The following R3HDM2 variants were observed in gnomAD, a reference collection of about 807,000 sequenced individuals.
The protein encoded by R3HDM2 is R3H domain-containing protein 2.
In R3HDM2, 38 loss-of-function variants were observed where a neutral mutation model predicts 124.5. That is an observed-to-expected ratio of 0.31 (90% CI 0.24 to 0.40). The LOEUF is 0.40. R3HDM2 is among the 10% of genes least tolerant of loss of function. The pLI is 1.00. For synonymous variants in R3HDM2, 391 were observed against 448.0 expected, an observed-to-expected ratio of 0.87 and a Z score of 1.61; for missense variants, 869 against 1,236.9, an observed-to-expected ratio of 0.70 and a Z score of 4.46.
chr12:57,407,254 GA>G (rs141913606), intron 1 of R3HDM2, among the ~76,000 whole-genome samples: 28,253 of 124,950 alleles, frequency 0.23, 2,998 homozygotes, highest in Admixed American at 0.31. Flanking sequence ...CTTCTCAAGA[GA>G]AAAAAAAAAA....
At chr12:57,358,961 A>C (rs2061591700) in intron 2 of R3HDM2, among the ~76,000 whole-genome samples, 1 of 149,730 alleles carries the variant, frequency 6.7e-6, no homozygotes, top group East Asian at 2.0e-4. Context: ...TCTGTCACCC[A>C]GACTGGAATG....
rs1565870403 is a variant in R3HDM2, at chr12:57,266,802, C to A, written c.2060G>T (p.Gly687Val). ...CTGAGGCATCTGGTACTGCTCAGAGCCAGGGGGTTGCAGAAACCCTACAGA... is the reference window on the plus strand; with the variant it reads ...CTGAGGCATCTGGTACTGCTCAGAGACAGGGGGTTGCAGAAACCCTACAGA... The part of the protein sequence containing the change: ...SPSVGFLQPP[G>V]SEQYQMPQSP... The change falls in exon 19 of 24, where the codon GGC (glycine) becomes GTC (valine). Residue 687 changes from glycine (G) to valine (V), a missense_variant. Gly to Val is a moderately radical substitution (Grantham distance 109). This residue lies in a region of R3HDM2 where 602 missense variants were observed against 789.2 expected (regional missense o/e 0.76). Transcript: ENST00000402412. The A allele has an allele frequency of 2.5e-6, 4 of 1,609,548 alleles. No homozygotes were observed. Among genetic ancestry groups the A allele is most frequent in the Non-Finnish European group, 3.4e-6 (4 of 1,176,430 alleles).
chr12:57,345,630 C>A (rs746482644), intron 2 of R3HDM2, among the ~76,000 whole-genome samples: 7 of 152,072 alleles, frequency 4.6e-5, no homozygotes, highest in Non-Finnish European at 1.0e-4. Flanking sequence ...AACTTCTGGG[C>A]TCAAGCAATC....
rs1329596517 is a variant in R3HDM2, at chr12:57,413,889, T to C, written c.-106+16831A>G. ...TGAGATGGAGTCTCACGCTGTCACC[T>C]AGGCTGGAGTACGTGGCACGGTCTC... On this transcript the variant is annotated intron_variant, in intron 1 of 23. Coordinates refer to ENST00000402412, the MANE Select transcript of R3HDM2 (RefSeq NM_001394031.1). Among the ~76,000 whole-genome samples the C allele has an allele frequency of 9.7e-5, 13 of 133,528 alleles. No homozygotes were observed. In the South Asian group the frequency reaches 3.7e-3, roughly 38 times the overall value. The allele number at this position is 133,528 out of a possible 152,430, so 87.6% of individuals were successfully genotyped here.
chr12:57,268,021 T>C (rs1323373303), intron 18 of R3HDM2, among the ~76,000 whole-genome samples: 1 of 152,240 alleles, frequency 6.6e-6, no homozygotes, highest in East Asian at 1.9e-4. Context: ...GAGCAGTCTC[T>C]ATCCTCTAGT....
In R3HDM2 at chr12:57,260,263, CAAAAAAA is replaced by C. The variant is rs566868060; in HGVS notation, c.2132-1211_2132-1205del. ...TGGGTGACAGAATGAGACCCTGCCT[CAAAAAAA>C]AAAAAAAAAAAAAAAGCCTGCTGAA... On this transcript the variant is annotated intron_variant, in intron 19 of 23. Transcript: ENST00000402412. 3.2e-4 allele frequency among the ~76,000 whole-genome samples: 10 copies of C among 31,562 alleles called. 1 individual carries two copies. The highest frequency in any genetic ancestry group is 3.8e-3 in the South Asian group (2 of 522). 20.7% of individuals were successfully genotyped at this position (31,562 alleles called of 152,430 possible).
chr12:57,269,123 T>G, intron 16 of R3HDM2, 41 bp from the exon 17 acceptor site: 2 of 1,606,530 alleles, frequency 1.2e-6, no homozygotes, highest in Non-Finnish European at 1.7e-6. Context: ...GTATGAATGT[T>G]TAGGAGGTCA....
intron 2 of R3HDM2, among the ~76,000 whole-genome samples, chr12:57,385,108 C>T (rs529883532): frequency 2.0e-5 from 3 of 151,866 alleles, no homozygotes; most frequent in South Asian, 2.1e-4. Flanking sequence ...ATCACAAGAT[C>T]GAGCCACTGC....
chr12:57,256,970 C>T (rs1052975895), intron 21 of R3HDM2, among the ~76,000 whole-genome samples: 2 of 152,098 alleles, frequency 1.3e-5, no homozygotes, highest in African/African-American at 4.8e-5. Flanking sequence ...CATGTGCCAC[C>T]ACGCCTGGCT....
In R3HDM2 at chr12:57,338,832, A is replaced by T. The variant is rs543924899; in HGVS notation, c.-35-28369T>A. 4.6e-5 allele frequency among the ~76,000 whole-genome samples: 7 copies of T among 151,912 alleles called. No individual in the cohort carries two copies. In the South Asian group the frequency reaches 1.5e-3, roughly 32 times the overall value. On this transcript the variant is annotated intron_variant, in intron 2 of 23. Transcript: ENST00000402412. ...TTTTTTTTTTCAAAGGGAGAGAGAG[A>T]GAGAGAGATAGGGTCTCATTCTGCC...
At chr12:57,270,091 C>T in intron 14 of R3HDM2, 97 bp from the exon 15 acceptor site, 1 of 1,450,682 alleles carries the variant, frequency 6.9e-7, no homozygotes, top group Non-Finnish European at 9.5e-7. Flanking sequence ...CTTTTTACAA[C>T]CTTCTTTAAA....
intron 1 of R3HDM2, among the ~76,000 whole-genome samples, chr12:57,413,060 G>C (rs868237180): frequency 3.9e-5 from 6 of 152,030 alleles, no homozygotes; most frequent in Non-Finnish European, 7.4e-5. Context: ...GGCTGAGGCA[G>C]GAGAATTGCC....
intron 2 of R3HDM2, among the ~76,000 whole-genome samples, chr12:57,376,077 G>T (rs893997193): frequency 1.3e-5 from 2 of 152,128 alleles, no homozygotes; most frequent in Non-Finnish European, 2.9e-5. Flanking sequence ...TGGTCAAAGG[G>T]GCCCAGTTTT....
At chr12:57,331,824 G>A (rs1011094792) in intron 2 of R3HDM2, among the ~76,000 whole-genome samples, 1 of 151,692 alleles carries the variant, frequency 6.6e-6, no homozygotes, top group Non-Finnish European at 1.5e-5. Context: ...TGAGGCAGGA[G>A]AATGACATGA....
At chr12:57,359,544 G>A (rs1023190962) in intron 2 of R3HDM2, among the ~76,000 whole-genome samples, 4 of 151,998 alleles carry the variant, frequency 2.6e-5, no homozygotes, top group African/African-American at 4.8e-5. Flanking sequence ...ATGGTATATC[G>A]TCTTTCATCC....
In R3HDM2 at chr12:57,304,748, T is replaced by A. The variant is rs777161637; in HGVS notation, c.166-1531A>T. ...CATAATGGGGATATATATAGAACAG[T>A]AAGTCTCCTTTCATAATTGTCCCCC... is the stretch of plus-strand genomic sequence containing the variant. On this transcript the variant is annotated intron_variant, in intron 3 of 23. Coordinates refer to ENST00000402412, the MANE Select transcript of R3HDM2 (RefSeq NM_001394031.1). Among the ~76,000 whole-genome samples, 3 of 152,212 alleles carry A rather than the reference T, an allele frequency of 2.0e-5. No individual in the cohort carries two copies. The East Asian group carries it at 5.8e-4, about 29-fold the overall frequency.
chr12:57,393,018 A>G (rs2138736774), intron 2 of R3HDM2, among the ~76,000 whole-genome samples: 1 of 151,640 alleles, frequency 6.6e-6, no homozygotes, highest in East Asian at 1.9e-4. Flanking sequence ...GTTAGCCAGT[A>G]TGGTCTCAAT....
chr12:57,282,624 C>A (rs554371769), intron 13 of R3HDM2, among the ~76,000 whole-genome samples: 2 of 151,386 alleles, frequency 1.3e-5, no homozygotes, highest in South Asian at 4.2e-4. Flanking sequence ...GGTGCAACTG[C>A]AATCCAGCCT....
intron 21 of R3HDM2, 45 bp from the exon 22 acceptor site, chr12:57,256,556 A>G: frequency 7.1e-7 from 1 of 1,414,412 alleles, no homozygotes; most frequent in Non-Finnish European, 9.6e-7. Context: ...TAAGCTTCAT[A>G]GTATGACTTT....
Sources: gnomAD v4.1 joint callset for allele counts (sites outside exome capture counted in the v4.1 genomes callset) on GRCh38, gnomAD v4.1.1 for gene constraint, gnomAD v4.1.1 regional missense constraint, MANE v1.5 for transcripts, NCBI Gene and HGNC (gene_info 2026-07-23, HGNC 2026-07-21) for gene names.